The following BICC1 variants were observed in gnomAD, a reference collection of about 807,000 sequenced individuals.
BICC1 encodes the protein protein bicaudal C homolog 1.
A neutral mutation model predicts 111.0 loss-of-function variants in BICC1; 43 were observed. The observed-to-expected ratio is 0.39, with a 90% CI of 0.30 to 0.50. The LOEUF is 0.50. BICC1 is among the 20% of genes least tolerant of loss of function. The pLI, the probability that BICC1 is intolerant of heterozygous loss-of-function variation, is 0.88. For synonymous variants in BICC1, 467 were observed against 434.4 expected, an observed-to-expected ratio of 1.07 and a Z score of -0.93; for missense variants, 1,091 against 1,203.2, an observed-to-expected ratio of 0.91 and a Z score of 1.38.
chr10:58,561,275 T>C (rs1396959655), intron 1 of BICC1, among the ~76,000 whole-genome samples: 2 of 152,074 alleles, frequency 1.3e-5, no homozygotes, highest in Non-Finnish European at 2.9e-5. Flanking sequence ...TCTGGCTGAA[T>C]TGATCTCTTT....
intron 2 of BICC1, among the ~76,000 whole-genome samples, chr10:58,651,708 C>G (rs1447558056): frequency 6.6e-6 from 1 of 152,016 alleles, no homozygotes; most frequent in Non-Finnish European, 1.5e-5. Flanking sequence ...AGTGCTGTTG[C>G]CAAGTAAATA....
chr10:58,613,597 A>G (rs778104713), intron 1 of BICC1, among the ~76,000 whole-genome samples: 8 of 152,196 alleles, frequency 5.3e-5, no homozygotes, highest in African/African-American at 4.8e-5. Context: ...TGGTCTCCAT[A>G]TAAGTGCCCT....
intron 1 of BICC1, among the ~76,000 whole-genome samples, chr10:58,556,400 A>G (rs1393214619): frequency 6.6e-6 from 1 of 152,146 alleles, no homozygotes; most frequent in Non-Finnish European, 1.5e-5. Flanking sequence ...TCCCCTTAGC[A>G]TCAAAGTTTG....
At position 58,608,858 on chromosome 10, in the gene BICC1, G is replaced by T. The variant is rs537454674; in HGVS notation, c.191-11997G>T. 1.3e-4 allele frequency among the ~76,000 whole-genome samples: 20 copies of T among 152,286 alleles called. No individual in the cohort carries two copies. In the South Asian group the frequency reaches 3.5e-3, roughly 27 times the overall value. On this transcript the variant is annotated intron_variant, in intron 1 of 20. Transcript: ENST00000373886. ...AAATAAATTTGTATAAATAAATAAA[G>T]AAATACATAAGTATTTTAGCATAAA...
intron 1 of BICC1, among the ~76,000 whole-genome samples, chr10:58,563,225 C>CTAA (rs1188117455): frequency 1.4e-4 from 22 of 152,254 alleles, no homozygotes; most frequent in Admixed American, 3.3e-4. Context: ...GCTCATCTCT[C>CTAA]AATATGGCTC....
At chr10:58,759,109 G>T (rs376053966) in intron 3 of BICC1, among the ~76,000 whole-genome samples, 13 of 152,004 alleles carry the variant, frequency 8.6e-5, no homozygotes, top group African/African-American at 1.9e-4. Context: ...ACAGGTGTGT[G>T]CCACCACACC....
chr10:58,665,456 A>C (rs144343845), intron 2 of BICC1, among the ~76,000 whole-genome samples: 30 of 152,214 alleles, frequency 2.0e-4, no homozygotes, highest in African/African-American at 7.0e-4. Context: ...CCCGTATTTA[A>C]ACTCCTTGGC....
At chr10:58,681,867 C>CT (rs35236976) in intron 2 of BICC1, among the ~76,000 whole-genome samples, 38,008 of 149,550 alleles carry the variant, frequency 0.25, 5,952 homozygotes, top group African/African-American at 0.45. Flanking sequence ...CTCTCTCTTT[C>CT]TTTTTTTTTT....
intron 1 of BICC1, among the ~76,000 whole-genome samples, chr10:58,602,674 A>G (rs982097223): frequency 6.6e-6 from 1 of 152,200 alleles, no homozygotes; most frequent in Non-Finnish European, 1.5e-5. Flanking sequence ...TAGGTGTGTG[A>G]TTTATCAGCA....
chr10:58,723,430 C>T (rs1253871818), intron 3 of BICC1, among the ~76,000 whole-genome samples: 1 of 152,142 alleles, frequency 6.6e-6, no homozygotes, highest in Non-Finnish European at 1.5e-5. Context: ...GAATATCCAG[C>T]TGAGGCTGCA....
chr10:58,793,623 CAG>C lies in BICC1; in HGVS notation c.1179+11_1179+12del, dbSNP rs757274630. Reference sequence around the variant, plus strand: ...CCCAAACAGCCAAGCAAGGTTGGTTCAGAGTCTGAATCCAGAGAATTATGTAT... The same window carrying C: ...CCCAAACAGCCAAGCAAGGTTGGTTCAGTCTGAATCCAGAGAATTATGTAT... On this transcript the variant is annotated intron_variant, in intron 9 of 20. Transcript: ENST00000373886. The C allele has an allele frequency of 1.2e-6, 2 of 1,613,336 alleles. No individual in the cohort carries two copies. The highest frequency in any genetic ancestry group is 1.7e-6 in the Non-Finnish European group (2 of 1,179,708).
In BICC1 at chr10:58,756,626, C is replaced by CTT. The variant is rs66709538; in HGVS notation, c.308-28344_308-28343dup. On this transcript the variant is annotated intron_variant, in intron 3 of 20. Transcript: ENST00000373886. ...CCAGGACCCTTTAGCAACTACTAGC[C>CTT]TTTTTTTTTTTTTTTTTTTTTTTTT... Among the ~76,000 whole-genome samples the CTT allele has an allele frequency of 6.5e-3, 882 of 135,604 alleles. 31 individuals are homozygous for CTT. The highest frequency in any genetic ancestry group is 1.0e-2 in the African/African-American group (336 of 33,636). 89.0% of individuals were successfully genotyped at this position (135,604 alleles called of 152,430 possible). A position where few individuals can be genotyped will look rare whatever the true frequency, so the allele number is the denominator to read the frequency against.
At chr10:58,627,145 TTAC>T (rs1405903419) in intron 2 of BICC1, among the ~76,000 whole-genome samples, 4 of 152,210 alleles carry the variant, frequency 2.6e-5, no homozygotes, top group Non-Finnish European at 5.9e-5. Flanking sequence ...CGTAACTTAA[TTAC>T]TACTGCAGTT....
Position 58,674,512 on chromosome 10 carries a change from C to G in BICC1, c.238-27562C>G, listed in dbSNP as rs544998821. Reference sequence around the variant, plus strand: ...TGCACTTCTGCCCATTCATTCCTCACTGTTCTTTCTCTGGCTTTTCTAGAC... The same window carrying G: ...TGCACTTCTGCCCATTCATTCCTCAGTGTTCTTTCTCTGGCTTTTCTAGAC... On this transcript the variant is annotated intron_variant, in intron 2 of 20. Transcript: ENST00000373886. Among the ~76,000 whole-genome samples the G allele has an allele frequency of 2.0e-5, 3 of 152,296 alleles. No homozygotes were observed. The East Asian group carries it at 5.8e-4, about 29-fold the overall frequency.
intron 3 of BICC1, among the ~76,000 whole-genome samples, chr10:58,758,070 TA>T (rs111600036): frequency 1.1e-4 from 16 of 151,924 alleles, no homozygotes; most frequent in Admixed American, 3.9e-4. Flanking sequence ...TCTACTATCT[TA>T]AAAAAAAATA....
chr10:58,701,643 C>A (rs921776617), intron 2 of BICC1, among the ~76,000 whole-genome samples: 12 of 152,040 alleles, frequency 7.9e-5, no homozygotes, highest in African/African-American at 2.9e-4. Context: ...GGAAAAAAAT[C>A]TTCATTTAGT....
At chr10:58,579,724 C>G (rs532584621) in intron 1 of BICC1, among the ~76,000 whole-genome samples, 1 of 152,160 alleles carries the variant, frequency 6.6e-6, no homozygotes, top group African/African-American at 2.4e-5. Context: ...AGTACTTCCC[C>G]TACTCAGTTG....
At chr10:58,806,503 AACCT>A (rs1843712925) in intron 15 of BICC1, 77 bp from the exon 16 acceptor site, 1 of 1,288,584 alleles carries the variant, frequency 7.8e-7, no homozygotes, top group Admixed American at 1.7e-5. Context: ...ACACAGTCAA[AACCT>A]TTGTTCTCTA....
intron 2 of BICC1, among the ~76,000 whole-genome samples, chr10:58,698,347 G>C (rs1840127842): frequency 6.6e-6 from 1 of 152,126 alleles, no homozygotes; most frequent in African/African-American, 2.4e-5. Context: ...GGCCTTGCAG[G>C]TACCAGCCCT....
Sources: allele counts gnomAD v4.1 joint callset (sites outside exome capture counted in the v4.1 genomes callset), GRCh38; gene constraint gnomAD v4.1.1; transcripts MANE v1.5; gene names NCBI Gene and HGNC (gene_info 2026-07-23, HGNC 2026-07-21).